Variants in SLC30A6 observed in about 807,000 individuals in gnomAD.
The protein encoded by SLC30A6 is zinc transporter 6.
A neutral mutation model predicts 63.0 loss-of-function variants in SLC30A6; 55 were observed. The observed-to-expected ratio is 0.87, with a 90% CI of 0.70 to 1.09. SLC30A6 has a LOEUF of 1.09. Among genes scored for constraint, SLC30A6 ranks in the 50% least tolerant of loss-of-function variants. The probability of loss-of-function intolerance (pLI) is 0.00; values close to 1 mark genes in which losing one functional copy is unlikely to be tolerated. For synonymous variants in SLC30A6, 224 were observed against 186.1 expected, an observed-to-expected ratio of 1.20 and a Z score of -1.66; for missense variants, 587 against 549.2, an observed-to-expected ratio of 1.07 and a Z score of -0.69.
At position 32,220,743 on chromosome 2, in the gene SLC30A6, T is replaced by C; in HGVS notation, c.*30T>C. ...CTCTAACTTATTTTTATAAGGAATA[T>C]TGACTCCTTGGCTTCCAATTTATTT... On this transcript the variant is annotated 3_prime_UTR_variant, in exon 14 of 14. Transcript: ENST00000282587. The C allele has an allele frequency of 6.4e-7, 1 of 1,572,240 alleles. No individual in the cohort carries two copies. Among genetic ancestry groups the C allele is most frequent in the Non-Finnish European group, 8.6e-7 (1 of 1,158,476 alleles).
intron 4 of SLC30A6, among the ~76,000 whole-genome samples, chr2:32,183,701 A>G: frequency 6.6e-6 from 1 of 151,690 alleles, no homozygotes; most frequent in East Asian, 1.9e-4. Context: ...AAAAAAAAAA[A>G]AAAGCATGCC....
chr2:32,195,327 A>G (rs774060745), intron 8 of SLC30A6, among the ~76,000 whole-genome samples: 2 of 152,048 alleles, frequency 1.3e-5, no homozygotes, highest in Non-Finnish European at 2.9e-5. Context: ...TGGCCTCCCA[A>G]AGTGCCGGGA....
chr2:32,182,532 C>T (rs763096642), intron 4 of SLC30A6, among the ~76,000 whole-genome samples: 1 of 152,074 alleles, frequency 6.6e-6, no homozygotes, highest in Non-Finnish European at 1.5e-5. Flanking sequence ...TCTACAGATT[C>T]AGGGGTGTTA....
intron 2 of SLC30A6, 70 bp from the exon 3 acceptor site, chr2:32,173,993 G>T (rs1035102985): frequency 3.4e-6 from 4 of 1,160,588 alleles, no homozygotes; most frequent in Non-Finnish European, 3.8e-6. Context: ...AGTATAAATT[G>T]TAGCAACTTG....
rs1330845501 is a variant in SLC30A6 at position 32,192,902 on chromosome 2, T to C, written c.366-16T>C. 1 of 1,464,582 alleles carries C rather than the reference T, an allele frequency of 6.8e-7. No homozygotes were observed. The highest frequency in any genetic ancestry group is 1.4e-5 in the South Asian group (1 of 71,654). 90.7% of individuals were successfully genotyped at this position (1,464,582 alleles called of 1,614,324 possible). Reference sequence around the variant, plus strand: ...TAATTTATAGGACTTATTTAATATATTTTTATTTCTTATAGTGCAGAACGC... The same window carrying C: ...TAATTTATAGGACTTATTTAATATACTTTTATTTCTTATAGTGCAGAACGC... On this transcript the variant is annotated splice_polypyrimidine_tract_variant and intron_variant, in intron 6 of 13. Transcript: ENST00000282587.
At position 32,204,706 on chromosome 2, in the gene SLC30A6, T is replaced by A. The variant is rs750397557; in HGVS notation, c.768+14T>A. The A allele has an allele frequency of 6.5e-7, 1 of 1,529,332 alleles. No individual in the cohort carries two copies. Among genetic ancestry groups the A allele is most frequent in the East Asian group, 2.3e-5 (1 of 44,298 alleles). 94.7% of individuals were successfully genotyped at this position (1,529,332 alleles called of 1,614,324 possible). ...GTCTTACTCCAGGTAAGGTGCTTCT[T>A]CCAATGCACGTGCTTAATATTAGCC... On this transcript the variant is annotated intron_variant, in intron 11 of 13. Transcript: ENST00000282587.
At chr2:32,215,828 C>G (rs1440011498) in intron 13 of SLC30A6, among the ~76,000 whole-genome samples, 2 of 151,910 alleles carry the variant, frequency 1.3e-5, no homozygotes, top group East Asian at 1.9e-4. Flanking sequence ...CCTCAGCCTT[C>G]CTCGTAGCTG....
At position 32,221,988 on chromosome 2, in the gene SLC30A6, A is replaced by G. The variant is rs1686170219; in HGVS notation, c.*1275A>G. ...GGAATTTGATGTCTTTTCAAGTTGC[A>G]CAAAGAATTTGAGCATATATAATTT... On this transcript the variant is annotated 3_prime_UTR_variant, in exon 14 of 14. Coordinates refer to ENST00000282587, the MANE Select transcript of SLC30A6 (RefSeq NM_017964.5). 6.6e-6 allele frequency: 1 copy of G among 152,200 alleles called. No homozygotes were observed. Among genetic ancestry groups the G allele is most frequent in the Non-Finnish European group, 1.5e-5 (1 of 68,036 alleles). The allele number at this position is 152,200 out of a possible 1,614,324, so 9.4% of individuals were successfully genotyped here. A position where few individuals can be genotyped will look rare whatever the true frequency, so the allele number is the denominator to read the frequency against.
At chr2:32,187,295 A>T in intron 5 of SLC30A6, 1 of 467,606 alleles carries the variant, frequency 2.1e-6, no homozygotes. Context: ...TGTTAAAATA[A>T]TATTTATGGT....
intron 4 of SLC30A6, among the ~76,000 whole-genome samples, chr2:32,180,732 C>G (rs1354314049): frequency 2.0e-5 from 3 of 152,130 alleles, no homozygotes; most frequent in Non-Finnish European, 4.4e-5. Context: ...CGCGCTCAGC[C>G]CATGCATGTA....
At chr2:32,213,023 A>G (rs941992084) in intron 13 of SLC30A6, among the ~76,000 whole-genome samples, 2 of 150,416 alleles carry the variant, frequency 1.3e-5, no homozygotes, top group Non-Finnish European at 3.0e-5. Context: ...CTCCTACCTC[A>G]GCCTTCCCAG....
chr2:32,212,894 ATT>A (rs10522618), intron 13 of SLC30A6, among the ~76,000 whole-genome samples: 7,457 of 117,122 alleles, frequency 0.064, 230 homozygotes, highest in Middle Eastern at 0.088. Context: ...TGTGTCCAGC[ATT>A]TTTTTTTTTT....
intron 6 of SLC30A6, 121 bp downstream of exon 6, chr2:32,192,537 T>C: frequency 4.0e-6 from 3 of 745,016 alleles, no homozygotes; most frequent in Non-Finnish European, 6.6e-6. Flanking sequence ...GGCTGGAGTT[T>C]TGATAGTACA....
rs1686297123 is a variant in SLC30A6 at position 32,224,228 on chromosome 2, A to G, written c.*3515A>G. The G allele has an allele frequency of 5.1e-6, 2 of 392,990 alleles. No individual in the cohort carries two copies. The highest frequency in any genetic ancestry group is 9.1e-6 in the Non-Finnish European group (2 of 220,570). The allele number at this position is 392,990 out of a possible 1,614,324, so 24.3% of individuals were successfully genotyped here. On this transcript the variant is annotated 3_prime_UTR_variant, in exon 14 of 14. Coordinates refer to ENST00000282587, the MANE Select transcript of SLC30A6 (RefSeq NM_017964.5). The stretch of plus-strand genomic sequence containing the variant: ...CAGGCACTATACTAAGTTAATATGC[A>G]TTCAGTATACCAGTTGGTGTGACCC...
chr2:32,184,218 T>C, intron 4 of SLC30A6, 55 bp from the exon 5 acceptor site: 1 of 999,452 alleles, frequency 1.0e-6, no homozygotes, highest in Non-Finnish European at 1.4e-6. Context: ...ACTTAATTTA[T>C]CTTCACATGT....
intron 5 of SLC30A6, 146 bp downstream of exon 5, chr2:32,184,484 G>A: frequency 2.3e-6 from 1 of 438,816 alleles, no homozygotes; most frequent in Non-Finnish European, 3.9e-6. Flanking sequence ...AAATAGATAG[G>A]CTGGGCACAG....
rs758252953 is a variant in SLC30A6, at chr2:32,192,382, G to C, written c.331G>C (p.Ala111Pro). 2 of 1,613,902 alleles carry C rather than the reference G, an allele frequency of 1.2e-6. No homozygotes were observed. The highest frequency in any genetic ancestry group is 4.5e-5 in the East Asian group (2 of 44,848). ...VLAVFASTVL[A>P]QLGALFILKE... ...GGCTGTATTTGCCTCCACAGTCTTGGCACAGTTGGGAGCTCTCTTTATATT... is the reference window on the plus strand; with the variant it reads ...GGCTGTATTTGCCTCCACAGTCTTGCCACAGTTGGGAGCTCTCTTTATATT... Residue 111 changes from alanine to proline, a missense_variant, in exon 6 of 14, where the codon GCA (alanine) becomes CCA (proline). Ala to Pro is a conservative substitution (Grantham distance 27, BLOSUM62 -1). Coordinates refer to ENST00000282587, the MANE Select transcript of SLC30A6 (RefSeq NM_017964.5).
intron 10 of SLC30A6, chr2:32,202,652 G>T: frequency 3.3e-6 from 2 of 598,092 alleles, no homozygotes; most frequent in Non-Finnish European, 6.4e-6. Flanking sequence ...TTTCTAAACT[G>T]TGCCATGTTG....
intron 11 of SLC30A6, 91 bp downstream of exon 11, chr2:32,204,783 A>C (rs534122158): frequency 3.6e-6 from 2 of 555,198 alleles, no homozygotes; most frequent in East Asian, 8.1e-5. Context: ...CAAGATTGTG[A>C]AATTTTTATT....
Sources: gnomAD v4.1 joint callset for allele counts (sites outside exome capture counted in the v4.1 genomes callset) on GRCh38, gnomAD v4.1.1 for gene constraint, MANE v1.5 for transcripts, NCBI Gene and HGNC (gene_info 2026-07-23, HGNC 2026-07-21) for gene names.